The following DGKA variants were observed in gnomAD, a reference collection of about 807,000 sequenced individuals.
DGKA encodes the protein diacylglycerol kinase alpha, also known as 80 kDa diacylglycerol kinase.
Under a neutral mutation model 105.0 loss-of-function variants are expected in DGKA, and 35 were observed. The ratio of observed to expected loss-of-function variants is 0.33; its 90% CI spans 0.25 to 0.44. The LOEUF is 0.44. Among genes scored for constraint, DGKA ranks in the 20% least tolerant of loss-of-function variants. The probability of loss-of-function intolerance (pLI) is 1.00; values close to 1 mark genes in which losing one functional copy is unlikely to be tolerated. For missense variants in DGKA, 665 were observed against 915.0 expected, an observed-to-expected ratio of 0.73 and a Z score of 3.53; for synonymous variants, 296 against 332.0, an observed-to-expected ratio of 0.89 and a Z score of 1.18.
intron 15 of DGKA, 112 bp downstream of exon 15, chr12:55,941,696 C>A: frequency 2.7e-6 from 3 of 1,126,914 alleles, no homozygotes; most frequent in African/African-American, 1.5e-5. Flanking sequence ...TAGAGATCCC[C>A]AAGAGGCCAG....
At chr12:55,933,234 T>C (rs577502934) in intron 1 of DGKA, among the ~76,000 whole-genome samples, 6 of 152,346 alleles carry the variant, frequency 3.9e-5, no homozygotes, top group African/African-American at 1.4e-4. Flanking sequence ...TATGCCTCAA[T>C]TTCCTCCTCT....
At position 55,936,462 on chromosome 12, in the gene DGKA, T is replaced by C; in HGVS notation, c.-42T>C. 6.2e-7 allele frequency: 1 copy of C among 1,608,288 alleles called. No individual in the cohort carries two copies. Among genetic ancestry groups the C allele is most frequent in the Non-Finnish European group, 8.5e-7 (1 of 1,176,236 alleles). Reference sequence around the variant, plus strand: ...GAGGTCCAAGCAACGGAAGTACTACTACGAAGCTGCCTTTCTGGCCATCCT... The same window carrying C: ...GAGGTCCAAGCAACGGAAGTACTACCACGAAGCTGCCTTTCTGGCCATCCT... On this transcript the variant is annotated 5_prime_UTR_variant, in exon 2 of 24. Coordinates refer to ENST00000331886, the MANE Select transcript of DGKA (RefSeq NM_001345.5).
At chr12:55,928,110 A>AT (rs961971013), upstream of DGKA, 1 of 298,110 alleles carries the variant, frequency 3.4e-6, no homozygotes, top group Admixed American at 5.0e-5. Flanking sequence ...TCCGCCGCCC[A>AT]TTTCAGCAAC....
chr12:55,930,967 T>G (rs1368460143), upstream of DGKA: 3 of 152,154 alleles, frequency 2.0e-5, no homozygotes, highest in African/African-American at 7.2e-5. Context: ...TGTGTATGTA[T>G]GCATACACAA....
chr12:55,943,371 G>A (rs1434958113), intron 17 of DGKA: 1 of 151,870 alleles, frequency 6.6e-6, no homozygotes, highest in East Asian at 1.9e-4. Context: ...TGCCTCCCAG[G>A]TTCAAGTGAT....
chr12:55,927,719 G>A (rs1301716057), upstream of DGKA: 1 of 1,539,806 alleles, frequency 6.5e-7, no homozygotes, highest in Non-Finnish European at 8.7e-7. Context: ...GCCGCGGGTC[G>A]GTCACCTGTC....
Position 55,936,585 on chromosome 12 carries a change from G to A in DGKA, c.64+18G>A. The A allele has an allele frequency of 1.2e-6, 2 of 1,614,092 alleles. No homozygotes were observed. Among genetic ancestry groups the A allele is most frequent in the Non-Finnish European group, 1.7e-6 (2 of 1,180,006 alleles). On this transcript the variant is annotated intron_variant, in intron 2 of 23. Transcript: ENST00000331886. ...CATGGAATGTGAGTCTTCCTGTCAG[G>A]CCTTCAGTTCTGGAGACCCTGCCCC...
At chr12:55,927,978 C>T (rs558828507), upstream of DGKA, 2 of 573,784 alleles carry the variant, frequency 3.5e-6, no homozygotes, top group East Asian at 3.1e-5. Context: ...TAAACTCGTC[C>T]AACCGCTGAG....
intron 17 of DGKA, among the ~76,000 whole-genome samples, chr12:55,946,381 G>C (rs1887005689): frequency 6.6e-6 from 1 of 151,510 alleles, no homozygotes; most frequent in South Asian, 2.1e-4. Context: ...TTTGGAGATG[G>C]AGTCTCACTC....
In DGKA at chr12:55,952,406, AGC is replaced by A; in HGVS notation, c.1719_1720del (p.Lys573AsnfsTer8). 1.9e-6 allele frequency: 3 copies of A among 1,614,198 alleles called. No homozygotes were observed. The highest frequency in any genetic ancestry group is 2.5e-6 in the Non-Finnish European group (3 of 1,180,032). On this transcript the variant is annotated frameshift_variant, in exon 20 of 24. Transcript: ENST00000331886. LOFTEE classifies it high-confidence loss of function. The surrounding 1 kb of genome is among the most constrained non-coding windows in gnomAD (Gnocchi z 5.1). ...GAATCCATCTTCTCAACATGCAAAA[AGC>A]TGGAGGAGTCTTTGACAGTTGAGGT...
intron 22 of DGKA, 82 bp downstream of exon 22, chr12:55,953,242 C>T (rs1888516210): frequency 6.2e-7 from 1 of 1,608,684 alleles, no homozygotes; most frequent in Non-Finnish European, 8.5e-7. Flanking sequence ...TGGGGAGGGG[C>T]TTTACTAGAT....
upstream of DGKA, among the ~76,000 whole-genome samples, chr12:55,928,676 CAAAAAAA>C (rs56280303): frequency 6.3e-5 from 3 of 47,256 alleles, no homozygotes; most frequent in Non-Finnish European, 1.1e-4. Flanking sequence ...GACCCCGTCT[CAAAAAAA>C]AAAAAAAAAA....
chr12:55,953,318 G>A (rs1366038133), intron 22 of DGKA, 32 bp from the exon 23 acceptor site: 11 of 1,613,222 alleles, frequency 6.8e-6, no homozygotes, highest in Non-Finnish European at 8.5e-6. Context: ...CGATTGGTAA[G>A]GAAATCACCA....
Position 55,932,742 on chromosome 12 carries a change from A to AT in DGKA, c.-82+1398_-82+1399insT. ...ACACACACACACACACACACACACA[A>AT]CCCCCTCAGCCAGGTGTAGCACTGC... On this transcript the variant is annotated intron_variant, in intron 1 of 23. Transcript: ENST00000331886. The surrounding 1 kb of genome is among the most constrained non-coding windows in gnomAD (Gnocchi z 4.3). The AT allele has an allele frequency of 2.0e-6, 1 of 499,562 alleles. No individual in the cohort carries two copies. The highest frequency in any genetic ancestry group is 3.6e-6 in the Non-Finnish European group (1 of 277,148). 30.9% of individuals were successfully genotyped at this position (499,562 alleles called of 1,614,324 possible).
intron 4 of DGKA, 163 bp downstream of exon 4, chr12:55,937,706 G>A: frequency 9.9e-7 from 1 of 1,009,630 alleles, no homozygotes; most frequent in East Asian, 2.6e-5. Context: ...AAAGGTAAAG[G>A]GGAAAGGTAA....
At position 55,937,052 on chromosome 12, in the gene DGKA, T is replaced by C. The variant is rs1884893237; in HGVS notation, c.100T>C (p.Phe34Leu). 6.2e-7 allele frequency: 1 copy of C among 1,614,066 alleles called. No individual in the cohort carries two copies. Among genetic ancestry groups the C allele is most frequent in the African/African-American group, 1.3e-5 (1 of 74,924 alleles). ...AAAGGTCAGTGATGTCCTAAAGCTC[T>C]TCGAGGATGGCGAGATGGCTAAATA... is the stretch of plus-strand genomic sequence containing the variant. ...TKKVSDVLKL[F>L]EDGEMAKYVQ... The change falls in exon 3 of 24, where the codon TTC becomes CTC. Residue 34 changes from phenylalanine (F) to leucine (L), a missense_variant. Phe to Leu is a conservative substitution (Grantham distance 22, BLOSUM62 0). Around this residue, in one of 3 missense-constraint regions of DGKA, gnomAD observed 504 missense variants for 681.2 expected, o/e 0.74. Transcript: ENST00000331886.
At chr12:55,938,888 C>T (rs1259558801) in intron 6 of DGKA, 27 bp from the exon 7 acceptor site, 2 of 1,613,522 alleles carry the variant, frequency 1.2e-6, no homozygotes, top group Admixed American at 1.7e-5. Flanking sequence ...GGGGATATGG[C>T]TGTGGCTCTT....
chr12:55,930,838 G>A (rs1346726191), upstream of DGKA: 1 of 152,122 alleles, frequency 6.6e-6, no homozygotes. Flanking sequence ...GGAGGAGTCT[G>A]TTCCAACAAG....
rs893405364 is a variant in DGKA at position 55,932,381 on chromosome 12, C to T, written c.-82+1037C>T. 7.5e-5 allele frequency: 45 copies of T among 602,194 alleles called. No individual in the cohort carries two copies. In the Admixed American group the frequency reaches 1.0e-3, roughly 13 times the overall value. 37.3% of individuals were successfully genotyped at this position (602,194 alleles called of 1,614,324 possible). ...GCTCATTCGGAGGGATGGTGAAGCC[C>T]GGTTCCTGGGACCCGACTCGGAGGG... On this transcript the variant is annotated intron_variant, in intron 1 of 23. Coordinates refer to ENST00000331886, the MANE Select transcript of DGKA (RefSeq NM_001345.5). The surrounding 1 kb of genome is among the most constrained non-coding windows in gnomAD (Gnocchi z 4.3).
Sources: allele counts gnomAD v4.1 joint callset (sites outside exome capture counted in the v4.1 genomes callset), GRCh38; gene constraint gnomAD v4.1.1; regional missense constraint gnomAD v4.1.1; non-coding constraint Gnocchi (gnomAD v3.1); transcripts MANE v1.5; gene names NCBI Gene and HGNC (gene_info 2026-07-23, HGNC 2026-07-21).